The following KCNQ1 variants were observed in gnomAD, a reference collection of about 807,000 sequenced individuals.
The protein encoded by KCNQ1 is potassium voltage-gated channel subfamily Q member 1.
Under a neutral mutation model 72.4 loss-of-function variants are expected in KCNQ1, and 49 were observed. The ratio of observed to expected loss-of-function variants is 0.68; its 90% CI spans 0.54 to 0.86. KCNQ1 has a LOEUF of 0.86. Among genes scored for constraint, KCNQ1 ranks in the 40% least tolerant of loss-of-function variants. The pLI is 0.00. For missense variants in KCNQ1, 790 were observed against 945.1 expected (o/e 0.84, Z 2.15); for synonymous variants, 450 against 412.6 (o/e 1.09, Z -1.10).
In KCNQ1 at chr11:2,652,362, G is replaced by C. The variant is rs1438229053; in HGVS notation, c.1394-9599G>C. 1.3e-5 allele frequency: 5 copies of C among 398,542 alleles called. No homozygotes were observed. The highest frequency in any genetic ancestry group is 2.2e-5 in the Non-Finnish European group (5 of 226,086). 24.7% of individuals were successfully genotyped at this position (398,542 alleles called of 1,614,324 possible). On this transcript the variant is annotated intron_variant, in intron 10 of 15. Transcript: ENST00000155840. The surrounding 1 kb of genome is among the most constrained non-coding windows in gnomAD (Gnocchi z 5.9). ...ACATTTCCGCGATGTTGTGATGAAG[G>C]TGAAAAGATCGCTCTTAATTAGATT...
chr11:2,668,500 A>G lies in KCNQ1; in HGVS notation c.1514+6419A>G, dbSNP rs1850123910. 1 of 398,530 alleles carries G rather than the reference A, an allele frequency of 2.5e-6. No individual in the cohort carries two copies. The highest frequency in any genetic ancestry group is 4.4e-6 in the Non-Finnish European group (1 of 226,070). 24.7% of individuals were successfully genotyped at this position (398,530 alleles called of 1,614,324 possible). The stretch of plus-strand genomic sequence containing the variant: ...TTTTCAGCCATGATGGTGAATGTCT[A>G]GCAGCATCAAATGGTGATTTTAATT... On this transcript the variant is annotated intron_variant, in intron 11 of 15. Transcript: ENST00000155840. The surrounding 1 kb of genome is among the most constrained non-coding windows in gnomAD (Gnocchi z 4.3).
At chr11:2,643,692 A>T in intron 10 of KCNQ1, 1 of 398,362 alleles carries the variant, frequency 2.5e-6, no homozygotes, top group Non-Finnish European at 4.4e-6. Context: ...TCATTAATTG[A>T]TTTCTGATTA....
chr11:2,486,675 C>T lies in KCNQ1; in HGVS notation c.386+41191C>T, dbSNP rs561718330. On this transcript the variant is annotated intron_variant, in intron 1 of 15. Transcript: ENST00000155840. This position sits in a 1 kb window ranked among gnomAD's most constrained non-coding sequence, Gnocchi z 5.0. ...ACATGGTGCCAGCACCTGCTTCTGG[C>T]GAGAGCCTCAGGAAGCTTCCAATCA... Among the ~76,000 whole-genome samples the T allele has an allele frequency of 2.6e-5, 4 of 152,306 alleles. No individual in the cohort carries two copies. Among genetic ancestry groups the T allele is most frequent in the South Asian group, 2.1e-4 (1 of 4,824 alleles).
chr11:2,575,153 C>T (rs554328734), intron 6 of KCNQ1, among the ~76,000 whole-genome samples: 1 of 152,172 alleles, frequency 6.6e-6, no homozygotes, highest in East Asian at 1.9e-4. Flanking sequence ...GGGCAGCGGA[C>T]GCTACTCCCC....
intron 15 of KCNQ1, among the ~76,000 whole-genome samples, chr11:2,846,648 T>G (rs1246379094): frequency 6.6e-6 from 1 of 152,200 alleles, no homozygotes; most frequent in Non-Finnish European, 1.5e-5. Flanking sequence ...GCTCTGAGGG[T>G]GCCAGGGTGC....
chr11:2,447,629 C>T lies in KCNQ1; in HGVS notation c.386+2145C>T, dbSNP rs922862007. Among the ~76,000 whole-genome samples the T allele has an allele frequency of 6.6e-5, 10 of 152,178 alleles. No homozygotes were observed. Among genetic ancestry groups the T allele is most frequent in the Admixed American group, 1.3e-4 (2 of 15,280 alleles). ...TAGCTGGAGGCCACCTGCAGCCTCA[C>T]GAAATCAGGTCCAGCCTTGCGCCAG... On this transcript the variant is annotated intron_variant, in intron 1 of 15. Transcript: ENST00000155840. This position sits in a 1 kb window ranked among gnomAD's most constrained non-coding sequence, Gnocchi z 7.6.
At chr11:2,835,394 GACTCAC>G (rs1258831758) in intron 15 of KCNQ1, among the ~76,000 whole-genome samples, 91 of 124,994 alleles carry the variant, frequency 7.3e-4, no homozygotes, top group Non-Finnish European at 9.4e-4. Flanking sequence ...TATAAACCCT[GACTCAC>G]ACACACACAC....
rs1848237227 is a variant in KCNQ1, at chr11:2,565,699, C to T, written c.478-4929C>T. ...TTGCTTTCAGGCCTTGCTAGAAAAGCATACAGTCGAACGAGTGGGTCCGAT... is the reference window on the plus strand; with the variant it reads ...TTGCTTTCAGGCCTTGCTAGAAAAGTATACAGTCGAACGAGTGGGTCCGAT... On this transcript the variant is annotated intron_variant, in intron 2 of 15. Coordinates refer to ENST00000155840, the MANE Select transcript of KCNQ1 (RefSeq NM_000218.3). The surrounding 1 kb of genome is among the most constrained non-coding windows in gnomAD (Gnocchi z 5.6). Among the ~76,000 whole-genome samples, 1 of 152,194 alleles carries T rather than the reference C, an allele frequency of 6.6e-6. No homozygotes were observed. Among genetic ancestry groups the T allele is most frequent in the Non-Finnish European group, 1.5e-5 (1 of 68,020 alleles).
intron 2 of KCNQ1, among the ~76,000 whole-genome samples, chr11:2,561,340 G>A (rs1251592595): frequency 1.3e-5 from 2 of 152,224 alleles, no homozygotes; most frequent in East Asian, 1.9e-4. Context: ...GGGGCGTCAG[G>A]TCAGCGGGGC....
In KCNQ1 at chr11:2,458,551, G is replaced by A. The variant is rs368426414; in HGVS notation, c.386+13067G>A. Reference sequence around the variant, plus strand: ...TGAGGTCAGGGATTCCGCATGCAGCGTCACAGCTGCCAACCTCTCCAAAGC... The same window carrying A: ...TGAGGTCAGGGATTCCGCATGCAGCATCACAGCTGCCAACCTCTCCAAAGC... On this transcript the variant is annotated intron_variant, in intron 1 of 15. Transcript: ENST00000155840. This position sits in a 1 kb window ranked among gnomAD's most constrained non-coding sequence, Gnocchi z 4.6. Among the ~76,000 whole-genome samples, 7 of 152,348 alleles carry A rather than the reference G, an allele frequency of 4.6e-5. No individual in the cohort carries two copies. The highest frequency in any genetic ancestry group is 2.1e-4 in the South Asian group (1 of 4,828).
At position 2,772,097 on chromosome 11, in the gene KCNQ1, C is replaced by T. The variant is rs1344706183; in HGVS notation, c.1590+3178C>T. The stretch of plus-strand genomic sequence containing the variant: ...AGCTGGCTCTTATTGCTGGGAGCAG[C>T]ATGGAGGGGTGGGGCCAGGGTGAGG... On this transcript the variant is annotated intron_variant, in intron 12 of 15. Transcript: ENST00000155840. The surrounding 1 kb of genome is among the most constrained non-coding windows in gnomAD (Gnocchi z 6.6). Among the ~76,000 whole-genome samples the T allele has an allele frequency of 6.6e-6, 1 of 152,200 alleles. No individual in the cohort carries two copies. Among genetic ancestry groups the T allele is most frequent in the Non-Finnish European group, 1.5e-5 (1 of 68,014 alleles).
chr11:2,761,312 T>C (rs1846391370), intron 11 of KCNQ1, among the ~76,000 whole-genome samples: 1 of 152,080 alleles, frequency 6.6e-6, no homozygotes. Context: ...CGCTGGTGTG[T>C]TCCTCTCGAC....
intron 2 of KCNQ1, among the ~76,000 whole-genome samples, chr11:2,539,923 C>G (rs1401120876): frequency 6.6e-6 from 1 of 152,238 alleles, no homozygotes. Flanking sequence ...TCACATCTGA[C>G]CCTGGCCAGC....
At chr11:2,640,573 T>A (rs922418177) in intron 10 of KCNQ1, 12 of 398,216 alleles carry the variant, frequency 3.0e-5, no homozygotes, top group African/African-American at 2.3e-4. Flanking sequence ...TTTTTTTTTT[T>A]TTTTTGACCG....
chr11:2,657,251 C>T lies in KCNQ1; in HGVS notation c.1394-4710C>T, dbSNP rs75101680. On this transcript the variant is annotated intron_variant, in intron 10 of 15. Transcript: ENST00000155840. The surrounding 1 kb of genome is among the most constrained non-coding windows in gnomAD (Gnocchi z 4.8). Reference sequence around the variant, plus strand: ...TAGAATCAGCTTGCCAAAGTTCTCACACAGAAGCCTTGAGATTTTTATTAA... The same window carrying T: ...TAGAATCAGCTTGCCAAAGTTCTCATACAGAAGCCTTGAGATTTTTATTAA... 1.7e-4 allele frequency: 66 copies of T among 398,628 alleles called. 1 individual carries two copies. Among genetic ancestry groups the T allele is most frequent in the African/African-American group, 1.3e-3 (65 of 48,748 alleles). The allele number at this position is 398,628 out of a possible 1,614,324, so 24.7% of individuals were successfully genotyped here. A position where few individuals can be genotyped will look rare whatever the true frequency, so the allele number is the denominator to read the frequency against.
At position 2,647,294 on chromosome 11, in the gene KCNQ1, T is replaced by G; in HGVS notation, c.1394-14667T>G. ...TATCACATTTATTGATTTGTATATG[T>G]TGAACCATCCTTGAATCCCTGGGAT... On this transcript the variant is annotated intron_variant, in intron 10 of 15. Transcript: ENST00000155840. This position sits in a 1 kb window ranked among gnomAD's most constrained non-coding sequence, Gnocchi z 4.0. 2.5e-6 allele frequency: 1 copy of G among 398,600 alleles called. No individual in the cohort carries two copies. 24.7% of individuals were successfully genotyped at this position (398,600 alleles called of 1,614,324 possible). A position where few individuals can be genotyped will look rare whatever the true frequency, so the allele number is the denominator to read the frequency against.
chr11:2,679,708 T>A lies in KCNQ1; in HGVS notation c.1514+17627T>A, dbSNP rs1355932634. On this transcript the variant is annotated intron_variant, in intron 11 of 15. Coordinates refer to ENST00000155840, the MANE Select transcript of KCNQ1 (RefSeq NM_000218.3). The surrounding 1 kb of genome is among the most constrained non-coding windows in gnomAD (Gnocchi z 4.8). ...ATTAGATTTTTTTTAAATCAGCCGT[T>A]CTCTGTATTCTTGTCCAGATGCTGT... 25 of 398,418 alleles carry A rather than the reference T, an allele frequency of 6.3e-5. No homozygotes were observed. The East Asian group carries it at 8.9e-4, about 14-fold the overall frequency. 24.7% of individuals were successfully genotyped at this position (398,418 alleles called of 1,614,324 possible).
intron 2 of KCNQ1, among the ~76,000 whole-genome samples, chr11:2,542,512 A>G (rs1006242125): frequency 2.0e-5 from 3 of 152,358 alleles, no homozygotes; most frequent in South Asian, 4.1e-4. Flanking sequence ...AGGATTTGAC[A>G]AATCTGGACA....
In KCNQ1 at chr11:2,651,272, T is replaced by G. The variant is rs1849752617; in HGVS notation, c.1394-10689T>G. ...GAATTAAGCTGTGCTGGTCACTTAT[T>G]GAGAAAGAGCTTCATGGTGGGCAGC... On this transcript the variant is annotated intron_variant, in intron 10 of 15. Transcript: ENST00000155840. This position sits in a 1 kb window ranked among gnomAD's most constrained non-coding sequence, Gnocchi z 6.1. The G allele has an allele frequency of 2.5e-6, 1 of 398,684 alleles. No homozygotes were observed. 24.7% of individuals were successfully genotyped at this position (398,684 alleles called of 1,614,324 possible).
Sources: allele counts gnomAD v4.1 joint callset (sites outside exome capture counted in the v4.1 genomes callset), GRCh38; gene constraint gnomAD v4.1.1; non-coding constraint Gnocchi (gnomAD v3.1); transcripts MANE v1.5; gene names NCBI Gene and HGNC (gene_info 2026-07-23, HGNC 2026-07-21).